ABLIM2: variants seen among roughly 807,000 people sequenced by gnomAD.
ABLIM2 encodes the protein actin-binding LIM protein 2.
ABLIM2 carries 53 observed loss-of-function variants against 97.7 expected under a neutral mutation model. The ratio of observed to expected loss-of-function variants is 0.54; its 90% CI spans 0.44 to 0.68. The LOEUF (loss-of-function observed/expected upper bound fraction) is 0.68, where lower values mean the gene tolerates loss of function less well. ABLIM2 is among the 30% of genes least tolerant of loss of function. ABLIM2 has a pLI of 0.00. For missense variants in ABLIM2, 835 were observed against 867.2 expected, an observed-to-expected ratio of 0.96 and a Z score of 0.47; for synonymous variants, 361 against 345.8, an observed-to-expected ratio of 1.04 and a Z score of -0.49.
chr4:8,059,243 A>G (rs1428439994), intron 7 of ABLIM2, among the ~76,000 whole-genome samples: 1 of 152,114 alleles, frequency 6.6e-6, no homozygotes, highest in Non-Finnish European at 1.5e-5. Context: ...AAACAGGACT[A>G]GCAGGCCAGA....
chr4:8,096,336 G>A (rs540350665), intron 3 of ABLIM2, among the ~76,000 whole-genome samples: 1 of 152,322 alleles, frequency 6.6e-6, no homozygotes, highest in African/African-American at 2.4e-5. Flanking sequence ...GGATTAACCA[G>A]AGGCGATCTT....
chr4:8,071,239 C>A lies in ABLIM2; in HGVS notation c.675+6389G>T, dbSNP rs1811814704. On this transcript the variant is annotated intron_variant, in intron 6 of 20. Transcript: ENST00000447017. This position sits in a 1 kb window ranked among gnomAD's most constrained non-coding sequence, Gnocchi z 6.2. ...CGCCACCCACCTCTGCTGCCCCAGC[C>A]CAGTGCCTCCCCCATCCCTAGCCAG... Among the ~76,000 whole-genome samples, 1 of 152,118 alleles carries A rather than the reference C, an allele frequency of 6.6e-6. No individual in the cohort carries two copies. The highest frequency in any genetic ancestry group is 2.1e-4 in the South Asian group (1 of 4,830).
At position 8,148,795 on chromosome 4, in the gene ABLIM2, G is replaced by T. The variant is rs1005791169; in HGVS notation, c.10+9885C>A. Among the ~76,000 whole-genome samples, 1 of 152,178 alleles carries T rather than the reference G, an allele frequency of 6.6e-6. No homozygotes were observed. On this transcript the variant is annotated intron_variant, in intron 1 of 20. Transcript: ENST00000447017. This position sits in a 1 kb window ranked among gnomAD's most constrained non-coding sequence, Gnocchi z 6.7. The stretch of plus-strand genomic sequence containing the variant: ...CAGAGATGAGGAGGCCAAGGCTCAG[G>T]GGGTACATGGCCTGGGCTGGTTCCT...
At position 8,002,130 on chromosome 4, in the gene ABLIM2, G is replaced by A. The variant is rs1244421064; in HGVS notation, c.1618+5929C>T. Among the ~76,000 whole-genome samples the A allele has an allele frequency of 6.6e-6, 1 of 152,112 alleles. No homozygotes were observed. Among genetic ancestry groups the A allele is most frequent in the Non-Finnish European group, 1.5e-5 (1 of 68,004 alleles). On this transcript the variant is annotated intron_variant, in intron 16 of 20. Transcript: ENST00000447017. This position sits in a 1 kb window ranked among gnomAD's most constrained non-coding sequence, Gnocchi z 6.1. ...GTGGCTGGGGCTACCAACTCCCACG[G>A]TTCCAGTCCCATCTGGGAGCCGGGG...
chr4:8,062,690 C>T (rs1023718018), intron 6 of ABLIM2, among the ~76,000 whole-genome samples: 2 of 152,156 alleles, frequency 1.3e-5, no homozygotes, highest in African/African-American at 4.8e-5. Context: ...CCGCCCGCCT[C>T]AGCCTCCCAA....
chr4:8,080,876 A>G, intron 4 of ABLIM2, 74 bp from the exon 5 acceptor site: 2 of 1,514,046 alleles, frequency 1.3e-6, no homozygotes, highest in Non-Finnish European at 8.9e-7. Flanking sequence ...TGCTCTCCAC[A>G]CTCCGTGAAG....
rs528025748 is a variant in ABLIM2, at chr4:8,031,613, C to T, written c.1048-1837G>A. On this transcript the variant is annotated intron_variant, in intron 10 of 20. Transcript: ENST00000447017. ...TGAAATCCTCCTGCACCTCATAGTG[C>T]GTGACCCTGGAAAGGTTATGTGACT... is the stretch of plus-strand genomic sequence containing the variant. 5.3e-5 allele frequency among the ~76,000 whole-genome samples: 8 copies of T among 152,272 alleles called. 1 individual carries two copies. The South Asian group carries it at 6.2e-4, about 12-fold the overall frequency.
intron 6 of ABLIM2, among the ~76,000 whole-genome samples, chr4:8,064,903 A>G (rs1806023973): frequency 6.6e-6 from 1 of 152,204 alleles, no homozygotes; most frequent in South Asian, 2.1e-4. Context: ...ACATGCCAAC[A>G]AAGCAAAGAC....
intron 14 of ABLIM2, among the ~76,000 whole-genome samples, chr4:8,012,880 GCCCTTAATCCATCGATCAGTC>G: frequency 6.6e-6 from 1 of 152,188 alleles, no homozygotes; most frequent in East Asian, 1.9e-4. Context: ...CATCCATGTA[GCCCTTAATCCATCGATCAGTC>G]CATCTACCCT....
chr4:8,148,192 G>C lies in ABLIM2; in HGVS notation c.10+10488C>G, dbSNP rs75826809. Among the ~76,000 whole-genome samples the C allele has an allele frequency of 2.0e-5, 3 of 152,234 alleles. No individual in the cohort carries two copies. The highest frequency in any genetic ancestry group is 2.0e-4 in the Admixed American group (3 of 15,286). On this transcript the variant is annotated intron_variant, in intron 1 of 20. Transcript: ENST00000447017. This position sits in a 1 kb window ranked among gnomAD's most constrained non-coding sequence, Gnocchi z 6.7. ...CAGAGGGAGAAAAGGAAGACGTGGC[G>C]GCGGTGCAGCAGAAGCTCTCCTGTG... is the stretch of plus-strand genomic sequence containing the variant.
chr4:8,031,149 G>A (rs974007270), intron 10 of ABLIM2, among the ~76,000 whole-genome samples: 2 of 152,228 alleles, frequency 1.3e-5, no homozygotes, highest in Admixed American at 6.5e-5. Flanking sequence ...AAGCAGGCAA[G>A]TCCCAGTAAG....
rs573207824 is a variant in ABLIM2 at position 8,120,493 on chromosome 4, C to A, written c.11-13856G>T. Among the ~76,000 whole-genome samples the A allele has an allele frequency of 4.6e-5, 7 of 152,002 alleles. No homozygotes were observed. The highest frequency in any genetic ancestry group is 1.3e-4 in the Admixed American group (2 of 15,278). On this transcript the variant is annotated intron_variant, in intron 1 of 20. Coordinates refer to ENST00000447017, the MANE Select transcript of ABLIM2 (RefSeq NM_001130083.2). The surrounding 1 kb of genome is among the most constrained non-coding windows in gnomAD (Gnocchi z 5.6). ...CCAGAGGGAACCCAACATGAAGACG[C>A]GGGAGAAGATGGCGACTTAGATGCC...
chr4:8,010,886 C>T (rs1764514944), intron 14 of ABLIM2, among the ~76,000 whole-genome samples: 1 of 152,210 alleles, frequency 6.6e-6, no homozygotes, highest in Non-Finnish European at 1.5e-5. Context: ...AGCTGCCCAG[C>T]AAGTCCCAGG....
intron 3 of ABLIM2, among the ~76,000 whole-genome samples, chr4:8,090,794 C>T (rs971204131): frequency 1.2e-4 from 12 of 101,316 alleles, no homozygotes; most frequent in Middle Eastern, 5.3e-3. Context: ...TCCACTCATG[C>T]TATTTGCCAA....
chr4:8,084,265 T>C (rs557671079), intron 4 of ABLIM2, among the ~76,000 whole-genome samples: 1 of 152,242 alleles, frequency 6.6e-6, no homozygotes, highest in South Asian at 2.1e-4. Flanking sequence ...AGGCCTGCCA[T>C]GGGCCCAGAG....
Position 7,996,732 on chromosome 4 carries a change from C to T in ABLIM2, c.1619-3805G>A, listed in dbSNP as rs1017519516. Among the ~76,000 whole-genome samples, 10 of 152,184 alleles carry T rather than the reference C, an allele frequency of 6.6e-5. No individual in the cohort carries two copies. Among genetic ancestry groups the T allele is most frequent in the Admixed American group, 2.6e-4 (4 of 15,272 alleles). ...CTTTCTGTTTGGAGAAGATTCCTTA[C>T]GGGTAGCTCTGCAGGATATCTCACT... On this transcript the variant is annotated intron_variant, in intron 16 of 20. Coordinates refer to ENST00000447017, the MANE Select transcript of ABLIM2 (RefSeq NM_001130083.2). The surrounding 1 kb of genome is among the most constrained non-coding windows in gnomAD (Gnocchi z 4.5).
chr4:8,136,472 G>T (rs897493581), intron 1 of ABLIM2, among the ~76,000 whole-genome samples: 1 of 152,204 alleles, frequency 6.6e-6, no homozygotes, highest in Non-Finnish European at 1.5e-5. Flanking sequence ...AAAAAATGAT[G>T]CCAATAGATG....
chr4:7,981,605 C>T (rs1399104835), intron 20 of ABLIM2, among the ~76,000 whole-genome samples: 5 of 152,302 alleles, frequency 3.3e-5, no homozygotes, highest in East Asian at 3.9e-4. Context: ...TCCTTCTCTG[C>T]TTAAGTCACT....
In ABLIM2 at chr4:8,123,397, C is replaced by A. The variant is rs1305121497; in HGVS notation, c.11-16760G>T. On this transcript the variant is annotated intron_variant, in intron 1 of 20. Coordinates refer to ENST00000447017, the MANE Select transcript of ABLIM2 (RefSeq NM_001130083.2). The surrounding 1 kb of genome is among the most constrained non-coding windows in gnomAD (Gnocchi z 6.2). ...CAACTGGCAGGGTGGGGCCTGGAGC[C>A]TGGGCCTCTATGTCAGGGAACTGGT... is the stretch of plus-strand genomic sequence containing the variant. Among the ~76,000 whole-genome samples, 3 of 152,188 alleles carry A rather than the reference C, an allele frequency of 2.0e-5. No individual in the cohort carries two copies. The highest frequency in any genetic ancestry group is 7.2e-5 in the African/African-American group (3 of 41,452).
Sources: allele counts gnomAD v4.1 joint callset (sites outside exome capture counted in the v4.1 genomes callset), GRCh38; gene constraint gnomAD v4.1.1; non-coding constraint Gnocchi (gnomAD v3.1); transcripts MANE v1.5; gene names NCBI Gene and HGNC (gene_info 2026-07-23, HGNC 2026-07-21).